The following PPIL2 variants were observed in gnomAD, a reference collection of about 807,000 sequenced individuals.
PPIL2 encodes the protein peptidylprolyl isomerase like 2.
Under a neutral mutation model 75.2 loss-of-function variants are expected in PPIL2, and 50 were observed. The ratio of observed to expected loss-of-function variants is 0.66; its 90% CI spans 0.53 to 0.84. The LOEUF is 0.84. Ranked by LOEUF, PPIL2 falls within the 40% of genes least tolerant of loss-of-function variation. PPIL2 has a pLI of 0.00. For synonymous variants in PPIL2, 245 were observed against 258.8 expected (o/e 0.95, Z 0.51); for missense variants, 590 against 685.0 (o/e 0.86, Z 1.55).
intron 6 of PPIL2, among the ~76,000 whole-genome samples, chr22:21,675,615 G>C (rs193193237): frequency 1.6e-4 from 24 of 152,338 alleles, no homozygotes; most frequent in Non-Finnish European, 2.8e-4. Context: ...AGAACCTGTG[G>C]TGTTGGGAAC....
chr22:21,671,377 A>T (rs2066627074), intron 4 of PPIL2, among the ~76,000 whole-genome samples: 1 of 152,232 alleles, frequency 6.6e-6, no homozygotes, highest in Non-Finnish European at 1.5e-5. Flanking sequence ...CCACAGTCCC[A>T]CTATCCAAGA....
At position 21,669,388 on chromosome 22, in the gene PPIL2, A is replaced by G. The variant is rs376793299; in HGVS notation, c.33-525A>G. 2.5e-4 allele frequency: 111 copies of G among 451,520 alleles called. 1 individual carries two copies. In the East Asian group the frequency reaches 2.8e-3, roughly 11 times the overall value. The allele number at this position is 451,520 out of a possible 1,614,324, so 28.0% of individuals were successfully genotyped here. A position where few individuals can be genotyped will look rare whatever the true frequency, so the allele number is the denominator to read the frequency against. Reference sequence around the variant, plus strand: ...GTTCTCCAACGCCTGGACTCAAGCAATCTTCCTGCCTTGGCCTCCCAAACT... The same window carrying G: ...GTTCTCCAACGCCTGGACTCAAGCAGTCTTCCTGCCTTGGCCTCCCAAACT... On this transcript the variant is annotated intron_variant, in intron 1 of 19. Transcript: ENST00000398831.
chr22:21,667,305 C>T (rs761213339), intron 1 of PPIL2, among the ~76,000 whole-genome samples: 4 of 151,828 alleles, frequency 2.6e-5, no homozygotes, highest in African/African-American at 4.8e-5. Context: ...TACAGGCATA[C>T]GCCACCATGC....
intron 10 of PPIL2, chr22:21,685,748 T>C (rs1331878984): frequency 2.4e-6 from 1 of 412,536 alleles, no homozygotes; most frequent in South Asian, 1.7e-5. Flanking sequence ...TGTGCCTGGC[T>C]TGTATTTTCT....
At chr22:21,670,780 C>A in intron 3 of PPIL2, 169 bp downstream of exon 3, 1 of 888,062 alleles carries the variant, frequency 1.1e-6, no homozygotes, top group East Asian at 2.4e-5. Context: ...ATGTTAGGAG[C>A]TTGCCTTGGT....
Position 21,695,644 on chromosome 22 carries a change from ACAGCCTTCC to A in PPIL2, c.*157_*165del. On this transcript the variant is annotated 3_prime_UTR_variant, in exon 20 of 20. Transcript: ENST00000398831. ...CCCCTTTCCTGGCCCCTGGGAGCCC[ACAGCCTTCC>A]CATCCCTTAACCTGTTGCCAAGGGC... 1 of 1,457,492 alleles carries A rather than the reference ACAGCCTTCC, an allele frequency of 6.9e-7. No homozygotes were observed. Among genetic ancestry groups the A allele is most frequent in the East Asian group, 2.6e-5 (1 of 38,814 alleles). 90.3% of individuals were successfully genotyped at this position (1,457,492 alleles called of 1,614,324 possible).
At chr22:21,666,664 C>T (rs996155393) in intron 1 of PPIL2, among the ~76,000 whole-genome samples, 17 of 151,968 alleles carry the variant, frequency 1.1e-4, no homozygotes, top group Admixed American at 3.3e-4. Context: ...CAAAAATTAG[C>T]GGGGCGTGGT....
chr22:21,680,920 CA>C (rs2067100391), intron 6 of PPIL2, among the ~76,000 whole-genome samples: 1 of 150,978 alleles, frequency 6.6e-6, no homozygotes, highest in Admixed American at 6.6e-5. Flanking sequence ...AAGAGCTGAC[CA>C]GGGGGCTGGC....
At chr22:21,682,029 T>C (rs2067149181) in intron 7 of PPIL2, among the ~76,000 whole-genome samples, 1 of 152,218 alleles carries the variant, frequency 6.6e-6, no homozygotes, top group Non-Finnish European at 1.5e-5. Context: ...TCCTCGTTAG[T>C]GGAGTGAGGG....
At chr22:21,667,356 A>C (rs2066432972) in intron 1 of PPIL2, among the ~76,000 whole-genome samples, 1 of 151,876 alleles carries the variant, frequency 6.6e-6, no homozygotes, top group Admixed American at 6.6e-5. Context: ...GGGTTTCTCC[A>C]TGTTGGTCAG....
At chr22:21,681,453 A>C in intron 7 of PPIL2, 63 bp downstream of exon 7, 1 of 1,440,876 alleles carries the variant, frequency 6.9e-7, no homozygotes, top group Non-Finnish European at 9.7e-7. Context: ...TGTTCCTAGT[A>C]TACACTGGCT....
chr22:21,695,113 C>T (rs772377471), intron 19 of PPIL2, 43 bp downstream of exon 19: 2 of 1,539,332 alleles, frequency 1.3e-6, no homozygotes, highest in Non-Finnish European at 1.7e-6. Context: ...CATGGTGTTT[C>T]CTAGGGCTGA....
intron 6 of PPIL2, among the ~76,000 whole-genome samples, chr22:21,675,646 C>T (rs1164279991): frequency 6.6e-6 from 1 of 152,226 alleles, no homozygotes; most frequent in Non-Finnish European, 1.5e-5. Context: ...GGCGATCAGG[C>T]CATTGTAAGC....
rs61112126 is a variant in PPIL2 at position 21,676,309 on chromosome 22, T to TTGTGTGTGTGTGTGTG, written c.295+1210_295+1225dup. On this transcript the variant is annotated intron_variant, in intron 6 of 19. Coordinates refer to ENST00000398831, the MANE Select transcript of PPIL2 (RefSeq NM_014337.4). ...TTCAGCAAATATTTATTTATTTATT[T>TTGTGTGTGTGTGTGTG]TGTGTGTGTGTGTGTGTGTGTGTGT... 8.9e-3 allele frequency among the ~76,000 whole-genome samples: 1,100 copies of TTGTGTGTGTGTGTGTG among 122,970 alleles called. 5 individuals are homozygous for TTGTGTGTGTGTGTGTG. Among genetic ancestry groups the TTGTGTGTGTGTGTGTG allele is most frequent in the African/African-American group, 0.015 (479 of 31,468 alleles). 80.7% of individuals were successfully genotyped at this position (122,970 alleles called of 152,430 possible). A position where few individuals can be genotyped will look rare whatever the true frequency, so the allele number is the denominator to read the frequency against.
intron 10 of PPIL2, chr22:21,685,698 C>T (rs778467692): frequency 2.2e-5 from 10 of 452,546 alleles, no homozygotes; most frequent in South Asian, 1.6e-4. Flanking sequence ...AGCCTCCTGC[C>T]TTGGCCTCCG....
rs551108173 is a variant in PPIL2 at position 21,669,051 on chromosome 22, G to A, written c.33-862G>A. Reference sequence around the variant, plus strand: ...TTTTTTAGTAGAGACTGGTTTCACCGTGTTAGCCAGAATGGTCTCCATCTC... The same window carrying A: ...TTTTTTAGTAGAGACTGGTTTCACCATGTTAGCCAGAATGGTCTCCATCTC... On this transcript the variant is annotated intron_variant, in intron 1 of 19. Coordinates refer to ENST00000398831, the MANE Select transcript of PPIL2 (RefSeq NM_014337.4). Among the ~76,000 whole-genome samples, 29 of 149,846 alleles carry A rather than the reference G, an allele frequency of 1.9e-4. 1 individual carries two copies. In the South Asian group the frequency reaches 5.9e-3, roughly 30 times the overall value.
rs1260852662 is a variant in PPIL2 at position 21,671,704 on chromosome 22, C to T, written c.192-626C>T. ...ATTTCAGGCACACACCATCACCATGCCTGGCTTGAAAGTATAGTTTTTGAT... is the reference window on the plus strand; with the variant it reads ...ATTTCAGGCACACACCATCACCATGTCTGGCTTGAAAGTATAGTTTTTGAT... On this transcript the variant is annotated intron_variant, in intron 4 of 19. Coordinates refer to ENST00000398831, the MANE Select transcript of PPIL2 (RefSeq NM_014337.4). Among the ~76,000 whole-genome samples, 10 of 152,216 alleles carry T rather than the reference C, an allele frequency of 6.6e-5. No individual in the cohort carries two copies. The South Asian group carries it at 1.9e-3, about 28-fold the overall frequency.
In PPIL2 at chr22:21,670,559, T is replaced by A. The variant is rs758815673; in HGVS notation, c.83-7T>A. The A allele has an allele frequency of 1.6e-5, 26 of 1,605,770 alleles. No homozygotes were observed. The highest frequency in any genetic ancestry group is 2.7e-5 in the African/African-American group (2 of 74,708). On this transcript the variant is annotated splice_region_variant and splice_polypyrimidine_tract_variant and intron_variant, in intron 2 of 19. Coordinates refer to ENST00000398831, the MANE Select transcript of PPIL2 (RefSeq NM_014337.4). ...AGATTTCTGTTTTTTATTTCATTTT[T>A]AAACAGATCTCCCACAAACAAATTT...
intron 15 of PPIL2, among the ~76,000 whole-genome samples, chr22:21,693,068 T>C (rs2067751602): frequency 6.6e-6 from 1 of 152,004 alleles, no homozygotes; most frequent in South Asian, 2.1e-4. Flanking sequence ...TTTTCTTTTT[T>C]CTTGAGACAG....
Sources: gnomAD v4.1 joint callset for allele counts (sites outside exome capture counted in the v4.1 genomes callset) on GRCh38, gnomAD v4.1.1 for gene constraint, MANE v1.5 for transcripts, NCBI Gene and HGNC (gene_info 2026-07-23, HGNC 2026-07-21) for gene names.